The following MGMT variants were observed in gnomAD, a reference collection of about 807,000 sequenced individuals.
The protein encoded by MGMT is O-6-methylguanine-DNA methyltransferase.
A neutral mutation model predicts 15.9 loss-of-function variants in MGMT; 14 were observed. That is an observed-to-expected ratio of 0.88 (90% CI 0.58 to 1.37). The LOEUF (loss-of-function observed/expected upper bound fraction) is 1.37. MGMT is among the 40% of genes most tolerant of loss of function. The pLI, the probability that MGMT is intolerant of heterozygous loss-of-function variation, is 0.00. For missense variants in MGMT, 282 were observed against 268.1 expected, an observed-to-expected ratio of 1.05 and a Z score of -0.36; for synonymous variants, 130 against 118.2, an observed-to-expected ratio of 1.10 and a Z score of -0.65.
At chr10:129,568,835 C>T (rs1201874535) in intron 2 of MGMT, among the ~76,000 whole-genome samples, 1 of 152,154 alleles carries the variant, frequency 6.6e-6, no homozygotes, top group Admixed American at 6.5e-5. Context: ...CCCGCCATTT[C>T]TTCCTGCGCT....
At chr10:129,501,091 C>T (rs928615250) in intron 1 of MGMT, among the ~76,000 whole-genome samples, 2 of 152,344 alleles carry the variant, frequency 1.3e-5, no homozygotes, top group South Asian at 4.1e-4. Context: ...GCAACTCTTG[C>T]ATCAAAATCC....
intron 3 of MGMT, among the ~76,000 whole-genome samples, chr10:129,729,230 G>A (rs1223060028): frequency 6.6e-6 from 1 of 152,154 alleles, no homozygotes. Context: ...CGTGCCTCGT[G>A]TGAAAAACGA....
chr10:129,514,987 TGTCAGGTATTGGGG>T (rs1845722903), intron 1 of MGMT, among the ~76,000 whole-genome samples: 1 of 152,162 alleles, frequency 6.6e-6, no homozygotes, highest in African/African-American at 2.4e-5. Context: ...CCGGAAGCTG[TGTCAGGTATTGGGG>T]GTCATTGGAC....
intron 2 of MGMT, among the ~76,000 whole-genome samples, chr10:129,707,225 C>T (rs1848174582): frequency 6.6e-6 from 1 of 151,876 alleles, no homozygotes. Flanking sequence ...TGCAGTGAGC[C>T]AAGATCGAGC....
intron 2 of MGMT, chr10:129,693,884 C>CA (rs1847999233): frequency 6.7e-6 from 1 of 149,022 alleles, no homozygotes. Flanking sequence ...GCGTGGGCGA[C>CA]AGAGTGAGAT....
chr10:129,728,151 C>G (rs1848454378), intron 3 of MGMT, among the ~76,000 whole-genome samples: 1 of 152,080 alleles, frequency 6.6e-6, no homozygotes. Flanking sequence ...GGAGCCAGCA[C>G]CAGGGGACAA....
intron 2 of MGMT, among the ~76,000 whole-genome samples, chr10:129,706,038 C>G (rs1013840965): frequency 6.6e-6 from 1 of 152,258 alleles, no homozygotes; most frequent in African/African-American, 2.4e-5. Flanking sequence ...TGCTGCAGCC[C>G]TGCGTCAGGG....
chr10:129,540,212 A>G (rs1846029074), intron 2 of MGMT, among the ~76,000 whole-genome samples: 1 of 152,210 alleles, frequency 6.6e-6, no homozygotes, highest in African/African-American at 2.4e-5. Context: ...GTGTTTAACA[A>G]CTGACTTGTA....
At chr10:129,558,989 A>G (rs956919496) in intron 2 of MGMT, among the ~76,000 whole-genome samples, 4 of 152,134 alleles carry the variant, frequency 2.6e-5, no homozygotes, top group African/African-American at 7.2e-5. Flanking sequence ...TGGGATTCAG[A>G]GACGCAGTGC....
chr10:129,510,775 CGCAGCCAGA>C (rs1845673071), intron 1 of MGMT, among the ~76,000 whole-genome samples: 2 of 151,556 alleles, frequency 1.3e-5, no homozygotes, highest in Non-Finnish European at 1.5e-5. Context: ...AGATACCAGA[CGCAGCCAGA>C]TGCAGCCACG....
chr10:129,746,929 A>C (rs548904908), intron 3 of MGMT, among the ~76,000 whole-genome samples: 1 of 152,318 alleles, frequency 6.6e-6, no homozygotes, highest in African/African-American at 2.4e-5. Context: ...GTTTGTTAGA[A>C]TTCAAATTTT....
At chr10:129,697,755 C>A (rs546013924) in intron 2 of MGMT, among the ~76,000 whole-genome samples, 1 of 152,200 alleles carries the variant, frequency 6.6e-6, no homozygotes, top group Admixed American at 6.5e-5. Context: ...CTTCTGGAGT[C>A]AGCCACCTTG....
chr10:129,524,092 G>A (rs1160533459), intron 1 of MGMT, among the ~76,000 whole-genome samples: 3 of 152,196 alleles, frequency 2.0e-5, no homozygotes, highest in African/African-American at 7.2e-5. Context: ...TGGGAGTGTC[G>A]TGAAGACAGA....
intron 3 of MGMT, among the ~76,000 whole-genome samples, chr10:129,717,460 A>G (rs1054013643): frequency 1.3e-5 from 2 of 152,234 alleles, no homozygotes; most frequent in African/African-American, 4.8e-5. Flanking sequence ...TTATTAGTCC[A>G]GGGAGAGTCT....
Position 129,767,213 on chromosome 10 carries a change from T to C in MGMT, c.*216T>C. The C allele has an allele frequency of 2.1e-6, 1 of 479,790 alleles. No homozygotes were observed. The allele number at this position is 479,790 out of a possible 1,614,324, so 29.7% of individuals were successfully genotyped here. A position where few individuals can be genotyped will look rare whatever the true frequency, so the allele number is the denominator to read the frequency against. On this transcript the variant is annotated 3_prime_UTR_variant, in exon 5 of 5. Coordinates refer to ENST00000651593, the MANE Select transcript of MGMT (RefSeq NM_002412.5). The stretch of plus-strand genomic sequence containing the variant: ...CTCTAACGCTGCCCTTGCTCTATTT[T>C]TCATGTCCATTAAAACAGGCCAAGT...
In MGMT at chr10:129,684,182, C is replaced by A. The variant is rs1433964006; in HGVS notation, c.126-23713C>A. Among the ~76,000 whole-genome samples the A allele has an allele frequency of 3.3e-5, 5 of 152,214 alleles. No homozygotes were observed. The East Asian group carries it at 7.7e-4, about 23-fold the overall frequency. On this transcript the variant is annotated intron_variant, in intron 2 of 4. Coordinates refer to ENST00000651593, the MANE Select transcript of MGMT (RefSeq NM_002412.5). ...ACCACTTCACCTAGTGTGGAATGAG[C>A]AAGTGTACTTGCAAATTTCCATCCC...
At chr10:129,536,893 T>C (rs1160603367) in intron 2 of MGMT, 1 of 152,150 alleles carries the variant, frequency 6.6e-6, no homozygotes, top group African/African-American at 2.4e-5. Flanking sequence ...GTCAGACCCT[T>C]GGCGAGGGTG....
At chr10:129,594,613 C>T (rs1351533694) in intron 2 of MGMT, among the ~76,000 whole-genome samples, 1 of 152,148 alleles carries the variant, frequency 6.6e-6, no homozygotes, top group Non-Finnish European at 1.5e-5. Context: ...GCCTAACATA[C>T]CACAGCAGTG....
intron 2 of MGMT, among the ~76,000 whole-genome samples, chr10:129,682,701 A>G (rs1449911772): frequency 6.6e-5 from 10 of 152,232 alleles, no homozygotes; most frequent in Admixed American, 4.6e-4. Flanking sequence ...GATGTATTGT[A>G]TCAATGCCAG....
Sources: allele counts gnomAD v4.1 joint callset (sites outside exome capture counted in the v4.1 genomes callset), GRCh38; gene constraint gnomAD v4.1.1; transcripts MANE v1.5; gene names NCBI Gene and HGNC (gene_info 2026-07-23, HGNC 2026-07-21).